Variants in FIRRM observed in about 807,000 individuals in gnomAD.
FIRRM encodes the protein FIGNL1 interacting regulator of recombination and mitosis.
the FIRRM span, chr1:169,853,648 T>G: frequency 6.4e-7 from 1 of 1,561,448 alleles, no homozygotes; most frequent in Non-Finnish European, 8.8e-7. Flanking sequence ...AAGCCTGCTT[T>G]TGAGGTATTG....
chr1:169,789,033 T>C, the FIRRM span, among the ~76,000 whole-genome samples: 1 of 152,206 alleles, frequency 6.6e-6, no homozygotes, highest in Non-Finnish European at 1.5e-5. Flanking sequence ...AGAAGCTGCA[T>C]CCTTGGACTG....
the FIRRM span, among the ~76,000 whole-genome samples, chr1:169,840,901 T>C: frequency 2.6e-5 from 4 of 152,316 alleles, no homozygotes; most frequent in African/African-American, 7.2e-5. Context: ...CTGAAACAGA[T>C]AGTTTGACTT....
At chr1:169,845,433 T>TC in the FIRRM span, among the ~76,000 whole-genome samples, 1 of 152,194 alleles carries the variant, frequency 6.6e-6, no homozygotes, top group African/African-American at 2.4e-5. Flanking sequence ...GTCTGCCACA[T>TC]CAATTGACTC....
chr1:169,851,175 T>C, the FIRRM span: 1 of 152,266 alleles, frequency 6.6e-6, no homozygotes, highest in Admixed American at 6.6e-5. Context: ...CTTGGGAACT[T>C]AGTGTGAGGA....
the FIRRM span, chr1:169,802,872 C>T: frequency 1.6e-6 from 1 of 613,414 alleles, no homozygotes; most frequent in South Asian, 2.2e-5. Context: ...AATATAGAAA[C>T]ATGAATTCTG....
the FIRRM span, chr1:169,852,899 G>A: frequency 1.9e-6 from 3 of 1,614,122 alleles, no homozygotes; most frequent in Non-Finnish European, 1.7e-6. Context: ...CTCCAAAAGG[G>A]TCCTGCTCCA....
the FIRRM span, among the ~76,000 whole-genome samples, chr1:169,806,633 T>C: frequency 6.6e-6 from 1 of 152,210 alleles, no homozygotes; most frequent in Non-Finnish European, 1.5e-5. Flanking sequence ...ATCTACTTTA[T>C]ACACATACAT....
At chr1:169,842,304 A>G in the FIRRM span, 10 of 998,320 alleles carry the variant, frequency 1.0e-5, no homozygotes, top group South Asian at 4.9e-5. Flanking sequence ...ATTATTCTAC[A>G]TGGACTTTAT....
At chr1:169,803,825 T>A in the FIRRM span, among the ~76,000 whole-genome samples, 1 of 152,184 alleles carries the variant, frequency 6.6e-6, no homozygotes, top group Non-Finnish European at 1.5e-5. Flanking sequence ...GATAGGATGC[T>A]AAAAATGTCA....
At chr1:169,842,456 G>T in the FIRRM span, 1 of 1,613,928 alleles carries the variant, frequency 6.2e-7, no homozygotes, top group African/African-American at 1.3e-5. Flanking sequence ...ATGTAATTCT[G>T]CTGGTGAAGC....
the FIRRM span, chr1:169,806,114 T>C: frequency 1.5e-6 from 2 of 1,372,544 alleles, no homozygotes; most frequent in East Asian, 2.3e-5. Flanking sequence ...ATTTTTTACT[T>C]TTTAGAAAAT....
the FIRRM span, chr1:169,804,022 G>A: frequency 1.6e-5 from 19 of 1,213,294 alleles, no homozygotes; most frequent in African/African-American, 2.6e-4. Context: ...AAGTAAATTT[G>A]GCTCTTGAGC....
the FIRRM span, chr1:169,842,542 A>G: frequency 6.2e-7 from 1 of 1,613,100 alleles, no homozygotes; most frequent in Non-Finnish European, 8.5e-7. Flanking sequence ...TTAAACAGGT[A>G]AGGAAAGCAA....
chr1:169,834,140 A>T, the FIRRM span, among the ~76,000 whole-genome samples: 6 of 152,152 alleles, frequency 3.9e-5, no homozygotes, highest in African/African-American at 1.4e-4. Context: ...AATTAGATAA[A>T]TTATAGTTTA....
At chr1:169,833,245 A>G in the FIRRM span, among the ~76,000 whole-genome samples, 2 of 152,180 alleles carry the variant, frequency 1.3e-5, no homozygotes, top group Admixed American at 6.5e-5. Flanking sequence ...TTTTAAAAAT[A>G]TAAGTTCCTG....
the FIRRM span, chr1:169,805,975 C>A: frequency 7.1e-7 from 1 of 1,414,948 alleles, no homozygotes; most frequent in Non-Finnish European, 9.9e-7. Context: ...ATTTGGATGT[C>A]TTAAAAGTTC....
At chr1:169,811,699 AT>A in the FIRRM span, among the ~76,000 whole-genome samples, 5 of 150,564 alleles carry the variant, frequency 3.3e-5, no homozygotes, top group African/African-American at 1.2e-4. Flanking sequence ...TAGACAGATT[AT>A]CTAAATAGAT....
chr1:169,847,966 A>G, the FIRRM span, among the ~76,000 whole-genome samples: 2 of 152,164 alleles, frequency 1.3e-5, no homozygotes. Flanking sequence ...TATAACTTAT[A>G]ATACAACTCA....
At chr1:169,849,839 G>T in the FIRRM span, 1 of 527,412 alleles carries the variant, frequency 1.9e-6, no homozygotes, top group African/African-American at 1.9e-5. Context: ...ATACACAGCA[G>T]GCCTACTGAT....
Sources: gnomAD v4.1 joint callset for allele counts (sites outside exome capture counted in the v4.1 genomes callset) on GRCh38, gnomAD v4.1.1 for gene constraint, MANE v1.5 for transcripts, NCBI Gene and HGNC (gene_info 2026-07-23, HGNC 2026-07-21) for gene names.